RIT2: variants seen among roughly 807,000 people sequenced by gnomAD.
The protein encoded by RIT2 is Ras like without CAAX 2, also known as GTP-binding protein Rit2.
A neutral mutation model predicts 23.7 loss-of-function variants in RIT2; 24 were observed. The ratio of observed to expected loss-of-function variants is 1.01; its 90% CI spans 0.73 to 1.43. The LOEUF (loss-of-function observed/expected upper bound fraction) is 1.43. Ranked by LOEUF, RIT2 falls within the 40% of genes most tolerant of loss-of-function variation. The pLI is 0.00. For synonymous variants in RIT2, 107 were observed against 91.1 expected (o/e 1.17, Z -0.99); for missense variants, 236 against 266.9 (o/e 0.88, Z 0.81).
chr18:43,087,237 G>C (rs4572494), intron 1 of RIT2, among the ~76,000 whole-genome samples: 13,612 of 151,760 alleles, frequency 0.09, 693 homozygotes, highest in East Asian at 0.18. Flanking sequence ...GCAAGACTCT[G>C]TCTCAAAAAA....
intron 1 of RIT2, among the ~76,000 whole-genome samples, chr18:43,084,668 TG>T (rs1222573005): frequency 4.6e-5 from 7 of 151,956 alleles, no homozygotes; most frequent in Admixed American, 2.0e-4. Flanking sequence ...CTCTCACAAG[TG>T]GGAGTTGCAC....
intron 4 of RIT2, among the ~76,000 whole-genome samples, chr18:42,777,446 C>A (rs775371643): frequency 1.3e-5 from 2 of 151,934 alleles, no homozygotes; most frequent in South Asian, 2.1e-4. Flanking sequence ...GAGGAACCAA[C>A]AAAGAAGACT....
intron 4 of RIT2, among the ~76,000 whole-genome samples, chr18:42,852,818 T>C (rs1907090620): frequency 8.9e-6 from 1 of 112,488 alleles, no homozygotes. Context: ...CCTCCCTTCC[T>C]TCCTTCCTTC....
At chr18:42,792,940 T>A (rs915072651) in intron 4 of RIT2, among the ~76,000 whole-genome samples, 2 of 152,204 alleles carry the variant, frequency 1.3e-5, no homozygotes, top group Non-Finnish European at 2.9e-5. Context: ...TTGTTAACTT[T>A]ATTTTTCTAT....
intron 1 of RIT2, among the ~76,000 whole-genome samples, chr18:43,079,615 C>T (rs1278067544): frequency 6.6e-6 from 1 of 152,170 alleles, no homozygotes; most frequent in African/African-American, 2.4e-5. Context: ...GGAAACCTGA[C>T]TTATGACAGA....
chr18:43,040,754 G>A (rs1378764806), intron 1 of RIT2, among the ~76,000 whole-genome samples: 1 of 151,800 alleles, frequency 6.6e-6, no homozygotes, highest in Non-Finnish European at 1.5e-5. Flanking sequence ...GCATAAGGGG[G>A]AAAAGGATAT....
At chr18:42,811,709 C>A (rs563281272) in intron 4 of RIT2, among the ~76,000 whole-genome samples, 4 of 151,932 alleles carry the variant, frequency 2.6e-5, no homozygotes, top group Non-Finnish European at 5.9e-5. Context: ...TATTGTCATG[C>A]CTTAGTTGAA....
chr18:43,077,761 C>A (rs950070705), intron 1 of RIT2, among the ~76,000 whole-genome samples: 5 of 152,182 alleles, frequency 3.3e-5, no homozygotes, highest in Admixed American at 2.0e-4. Context: ...ACAGCCTGAA[C>A]AAAGTCTATG....
intron 1 of RIT2, among the ~76,000 whole-genome samples, chr18:43,078,288 C>A (rs755534313): frequency 6.6e-6 from 1 of 152,190 alleles, no homozygotes; most frequent in Non-Finnish European, 1.5e-5. Context: ...ACAGGTTGAG[C>A]CTGTCCCCAC....
chr18:42,948,074 A>G (rs1004410914), intron 3 of RIT2, among the ~76,000 whole-genome samples: 2 of 152,120 alleles, frequency 1.3e-5, no homozygotes, highest in Admixed American at 6.6e-5. Context: ...TTTCTGTTTC[A>G]GTATGATACA....
intron 1 of RIT2, among the ~76,000 whole-genome samples, chr18:43,056,564 G>A (rs1276890542): frequency 4.6e-5 from 7 of 152,104 alleles, no homozygotes; most frequent in African/African-American, 1.4e-4. Flanking sequence ...GACAGTGTAA[G>A]TGGCGGCACT....
At chr18:43,002,355 C>T (rs1254008008) in intron 2 of RIT2, among the ~76,000 whole-genome samples, 1 of 151,912 alleles carries the variant, frequency 6.6e-6, no homozygotes, top group Non-Finnish European at 1.5e-5. Flanking sequence ...GTGGGTCTGC[C>T]TCTCCTAGTC....
At chr18:42,816,195 C>T (rs1203538489) in intron 4 of RIT2, among the ~76,000 whole-genome samples, 1 of 152,056 alleles carries the variant, frequency 6.6e-6, no homozygotes, top group Admixed American at 6.6e-5. Flanking sequence ...ATAAATACCC[C>T]CCCATGGCTG....
intron 2 of RIT2, among the ~76,000 whole-genome samples, chr18:42,989,534 A>T (rs1324601485): frequency 6.6e-6 from 1 of 152,218 alleles, no homozygotes; most frequent in Admixed American, 6.5e-5. Context: ...AATATGGAAA[A>T]ATATTAATGA....
At chr18:42,965,152 G>A (rs531889218) in intron 3 of RIT2, among the ~76,000 whole-genome samples, 1 of 152,274 alleles carries the variant, frequency 6.6e-6, no homozygotes, top group South Asian at 2.1e-4. Context: ...CATGATCCAT[G>A]TCCAATACTG....
At chr18:43,028,095 T>C (rs572324176) in intron 2 of RIT2, among the ~76,000 whole-genome samples, 17 of 152,118 alleles carry the variant, frequency 1.1e-4, no homozygotes, top group Non-Finnish European at 2.4e-4. Context: ...ATATAACTTT[T>C]AATTCAGAAT....
At chr18:42,786,270 G>A (rs988328865) in intron 4 of RIT2, among the ~76,000 whole-genome samples, 1 of 152,056 alleles carries the variant, frequency 6.6e-6, no homozygotes, top group African/African-American at 2.4e-5. Flanking sequence ...TGTACACAAG[G>A]GGTCTGAATT....
chr18:42,918,970 T>C (rs1196250378), intron 4 of RIT2, among the ~76,000 whole-genome samples: 1 of 152,166 alleles, frequency 6.6e-6, no homozygotes, highest in African/African-American at 2.4e-5. Context: ...CAAAAAGCAT[T>C]GCACCTATGA....
intron 2 of RIT2, among the ~76,000 whole-genome samples, chr18:42,984,608 C>CT (rs1203637708): frequency 4.6e-5 from 7 of 151,664 alleles, no homozygotes. Flanking sequence ...ATTTATTATA[C>CT]TTTTTTGGCT....
Sources: gnomAD v4.1 joint callset for allele counts (sites outside exome capture counted in the v4.1 genomes callset) on GRCh38, gnomAD v4.1.1 for gene constraint, MANE v1.5 for transcripts, NCBI Gene and HGNC (gene_info 2026-07-23, HGNC 2026-07-21) for gene names.